Variants in ODR4 observed in about 807,000 individuals in gnomAD.
ODR4 encodes protein odr-4 homolog.
A neutral mutation model predicts 60.2 loss-of-function variants in ODR4; 47 were observed. The ratio of observed to expected loss-of-function variants is 0.78; its 90% CI spans 0.62 to 1.00. The LOEUF (loss-of-function observed/expected upper bound fraction) is 1.00, where lower values mean the gene tolerates loss of function less well. Ranked by LOEUF, ODR4 falls within the 50% of genes least tolerant of loss-of-function variation. The pLI is 0.00. For synonymous variants in ODR4, 178 were observed against 175.5 expected (o/e 1.01, Z -0.11); for missense variants, 488 against 530.8 (o/e 0.92, Z 0.79).
At chr1:186,397,893 A>G (rs142469334) in intron 9 of ODR4, among the ~76,000 whole-genome samples, 1 of 152,330 alleles carries the variant, frequency 6.6e-6, no homozygotes, top group African/African-American at 2.4e-5. Flanking sequence ...TACCATAGTT[A>G]TCACATCCCA....
chr1:186,401,079 T>C, intron 11 of ODR4: 1 of 1,597,602 alleles, frequency 6.3e-7, no homozygotes, highest in Non-Finnish European at 8.6e-7. Context: ...GTTAAAGATT[T>C]ACCTTAGCAG....
intron 3 of ODR4, among the ~76,000 whole-genome samples, chr1:186,383,584 A>G (rs752552821): frequency 6.6e-6 from 1 of 151,946 alleles, no homozygotes; most frequent in Non-Finnish European, 1.5e-5. Flanking sequence ...TTTAAGAAAA[A>G]GAATTTTCTT....
At chr1:186,397,257 T>C (rs1571680358) in intron 9 of ODR4, among the ~76,000 whole-genome samples, 1 of 152,364 alleles carries the variant, frequency 6.6e-6, no homozygotes, top group East Asian at 1.9e-4. Flanking sequence ...CATTTATTCC[T>C]GATTGCATAA....
At chr1:186,430,313 C>T in the ODR4 span, among the ~76,000 whole-genome samples, 4 of 151,952 alleles carry the variant, frequency 2.6e-5, no homozygotes, top group East Asian at 7.7e-4. Context: ...AACTTCTGAT[C>T]CCAGAAGAGC....
chr1:186,406,262 AAC>A lies in ODR4; in HGVS notation c.1184_1185del (p.Thr395SerfsTer9), dbSNP rs1288553274. On this transcript the variant is annotated frameshift_variant, in exon 12 of 14. Transcript: ENST00000287859. LOFTEE classifies it high-confidence loss of function. ...AGATTTGGAAATTGCAGAGGAAACAAACACAGGTCATTATATGATGCTATTTA... is the reference window on the plus strand; with the variant it reads ...AGATTTGGAAATTGCAGAGGAAACAAACAGGTCATTATATGATGCTATTTA... ...IEDLEIAEETNTACMSSSMNS... is the reference protein window; with the variant it reads ...IEDLEIAEETXTACMSSSMNS... 6.3e-7 allele frequency: 1 copy of A among 1,599,062 alleles called. No homozygotes were observed. Among genetic ancestry groups the A allele is most frequent in the Non-Finnish European group, 8.5e-7 (1 of 1,173,108 alleles).
rs928870775 is a variant in ODR4 at position 186,398,925 on chromosome 1, C to T, written c.910-29C>T. 3.4e-6 allele frequency: 5 copies of T among 1,466,430 alleles called. No homozygotes were observed. The African/African-American group carries it at 7.1e-5, about 21-fold the overall frequency. The allele number at this position is 1,466,430 out of a possible 1,614,324, so 90.8% of individuals were successfully genotyped here. Reference sequence around the variant, plus strand: ...TAAATCTAAAGTATTTTATTTCTTACTGTGTTTTTTGTGTGTTTTTCCCTG... The same window carrying T: ...TAAATCTAAAGTATTTTATTTCTTATTGTGTTTTTTGTGTGTTTTTCCCTG... On this transcript the variant is annotated intron_variant, in intron 10 of 13. Coordinates refer to ENST00000287859, the MANE Select transcript of ODR4 (RefSeq NM_017847.6).
chr1:186,410,794 T>A (rs1441065049), intron 12 of ODR4, among the ~76,000 whole-genome samples: 1 of 152,096 alleles, frequency 6.6e-6, no homozygotes, highest in Non-Finnish European at 1.5e-5. Context: ...GGCGGGTGGA[T>A]CACCTGAGGT....
chr1:186,377,516 T>C (rs1176414039), intron 1 of ODR4, among the ~76,000 whole-genome samples: 54 of 152,208 alleles, frequency 3.5e-4, no homozygotes, highest in Non-Finnish European at 5.9e-5. Flanking sequence ...AGGTTAAATA[T>C]AACTTTAGAA....
At chr1:186,421,570 A>G (rs550814395), downstream of ODR4, among the ~76,000 whole-genome samples, 2 of 152,272 alleles carry the variant, frequency 1.3e-5, no homozygotes, top group Admixed American at 1.3e-4. Context: ...TGCCACAACA[A>G]TAGATAGGGG....
At chr1:186,431,033 T>C in the ODR4 span, among the ~76,000 whole-genome samples, 232 of 152,152 alleles carry the variant, frequency 1.5e-3, 2 homozygotes, top group African/African-American at 5.3e-3. Context: ...AAACATAAGA[T>C]TTTTGGAATG....
At chr1:186,377,885 A>C (rs946322317) in intron 1 of ODR4, among the ~76,000 whole-genome samples, 3 of 152,162 alleles carry the variant, frequency 2.0e-5, no homozygotes, top group African/African-American at 7.2e-5. Context: ...CTCTACTAAA[A>C]ATACAAAAAA....
intron 7 of ODR4, among the ~76,000 whole-genome samples, chr1:186,391,351 T>G (rs1455294470): frequency 2.0e-5 from 3 of 151,848 alleles, no homozygotes; most frequent in Middle Eastern, 6.8e-3. Flanking sequence ...TAGAGCTTTT[T>G]TTTTTTATTT....
chr1:186,399,141 A>T lies in ODR4; in HGVS notation c.1000+97A>T, dbSNP rs552309441. On this transcript the variant is annotated intron_variant, in intron 11 of 13. Coordinates refer to ENST00000287859, the MANE Select transcript of ODR4 (RefSeq NM_017847.6). ...GATACGTCATCTTTTATAGCTACCT[A>T]TCTATATTTTCAAGCAGTATATCAT... The T allele has an allele frequency of 3.7e-6, 3 of 803,822 alleles. No homozygotes were observed. In the African/African-American group the frequency reaches 5.1e-5, roughly 14 times the overall value. 49.8% of individuals were successfully genotyped at this position (803,822 alleles called of 1,614,324 possible).
the ODR4 span, among the ~76,000 whole-genome samples, chr1:186,433,842 G>C: frequency 6.6e-6 from 1 of 152,170 alleles, no homozygotes; most frequent in Non-Finnish European, 1.5e-5. Flanking sequence ...GCCTCCCAAA[G>C]TGCTGGGATT....
chr1:186,432,277 A>T, the ODR4 span, among the ~76,000 whole-genome samples: 1 of 152,184 alleles, frequency 6.6e-6, no homozygotes, highest in East Asian at 1.9e-4. Context: ...GTTGGATTTG[A>T]CTTGCTAATA....
chr1:186,386,148 T>C, intron 4 of ODR4, 65 bp downstream of exon 4: 1 of 884,032 alleles, frequency 1.1e-6, no homozygotes, highest in Non-Finnish European at 1.7e-6. Flanking sequence ...TGATTATGAG[T>C]ATGTGTAATG....
the ODR4 span, among the ~76,000 whole-genome samples, chr1:186,427,111 A>G: frequency 6.6e-6 from 1 of 152,120 alleles, no homozygotes; most frequent in African/African-American, 2.4e-5. Flanking sequence ...TTGACTGATT[A>G]GGGTGGTGGT....
chr1:186,406,608 TCTTA>T (rs1445631557), intron 12 of ODR4, among the ~76,000 whole-genome samples: 3 of 152,188 alleles, frequency 2.0e-5, no homozygotes, highest in Non-Finnish European at 4.4e-5. Flanking sequence ...AAACTCATTA[TCTTA>T]CTTGGTAAAG....
chr1:186,431,313 C>T, the ODR4 span, among the ~76,000 whole-genome samples: 7 of 152,034 alleles, frequency 4.6e-5, no homozygotes, highest in African/African-American at 1.4e-4. Flanking sequence ...AAAGAAAAAT[C>T]GTGGAATTGC....
Sources: allele counts gnomAD v4.1 joint callset (sites outside exome capture counted in the v4.1 genomes callset), GRCh38; gene constraint gnomAD v4.1.1; transcripts MANE v1.5; gene names NCBI Gene and HGNC (gene_info 2026-07-23, HGNC 2026-07-21).